EPHA1: variants seen among roughly 807,000 people sequenced by gnomAD.
EPHA1 encodes the protein ephrin type-A receptor 1.
Under a neutral mutation model 110.1 loss-of-function variants are expected in EPHA1, and 92 were observed. The ratio of observed to expected loss-of-function variants is 0.84; its 90% confidence interval spans 0.71 to 0.99. The LOEUF (loss-of-function observed/expected upper bound fraction) is 0.99. EPHA1 is among the 50% of genes least tolerant of loss of function. The probability of loss-of-function intolerance (pLI) is 0.00; values close to 1 mark genes in which losing one functional copy is unlikely to be tolerated. For missense variants in EPHA1, 1,204 were observed against 1,285.4 expected (o/e 0.94, Z 0.97); for synonymous variants, 500 against 516.1 (o/e 0.97, Z 0.42).
chr7:143,392,504 T>C (rs1197043543), intron 16 of EPHA1, among the ~76,000 whole-genome samples: 1 of 152,152 alleles, frequency 6.6e-6, no homozygotes, highest in Non-Finnish European at 1.5e-5. Flanking sequence ...GGCTACCCAA[T>C]AAAGCACTTG....
Position 143,398,604 on chromosome 7 carries a change from C to T in EPHA1, c.1333G>A (p.Ala445Thr), listed in dbSNP as rs1156638928. ...STSVSISMGH[A>T]ESLSGLSLRL... is the part of the protein sequence containing the mutation. Reference sequence around the variant, plus strand: ...CCAGCCCCTCTCAGCCTCTCACCTGCATGCCCCATGCTGATGCTGACTGAG... The same window carrying T: ...CCAGCCCCTCTCAGCCTCTCACCTGTATGCCCCATGCTGATGCTGACTGAG... Residue 445 changes from alanine to threonine, a missense_variant, in exon 6 of 18, where the codon GCA (alanine) becomes ACA (threonine). Ala to Thr is a moderately conservative substitution (Grantham distance 58, BLOSUM62 0). Coordinates refer to ENST00000275815, the MANE Select transcript of EPHA1 (RefSeq NM_005232.5). 1 of 1,612,942 alleles carries T rather than the reference C, an allele frequency of 6.2e-7. No individual in the cohort carries two copies. The highest frequency in any genetic ancestry group is 1.7e-5 in the Admixed American group (1 of 59,988).
Position 143,393,922 on chromosome 7 carries a change from G to GC in EPHA1, c.2503-59_2503-58insG. The GC allele has an allele frequency of 2.7e-6, 4 of 1,494,316 alleles. No individual in the cohort carries two copies. Among genetic ancestry groups the GC allele is most frequent in the Non-Finnish European group, 3.6e-6 (4 of 1,116,530 alleles). The allele number at this position is 1,494,316 out of a possible 1,614,324, so 92.6% of individuals were successfully genotyped here. ...AGCAAGCTAACCTGGAGGCCCATGA[G>GC]AAACCGACGGTCACACAAGATAATT... On this transcript the variant is annotated intron_variant, in intron 15 of 17. Coordinates refer to ENST00000275815, the MANE Select transcript of EPHA1 (RefSeq NM_005232.5). The surrounding 1 kb of genome is among the most constrained non-coding windows in gnomAD (Gnocchi z 5.6).
At chr7:143,407,536 T>C in intron 2 of EPHA1, 75 bp downstream of exon 2, 3 of 1,461,700 alleles carry the variant, frequency 2.1e-6, no homozygotes, top group South Asian at 2.3e-5. Context: ...TCTCTGTTCC[T>C]CCACCCACCT....
rs778371838 is a variant in EPHA1 at position 143,401,569 on chromosome 7, G to T, written c.187C>A (p.Leu63Met). 1.9e-6 allele frequency: 3 copies of T among 1,613,968 alleles called. No individual in the cohort carries two copies. In the African/African-American group the frequency reaches 4.0e-5, roughly 22 times the overall value. The part of the protein sequence containing the change: ...EQQQILNGTP[L>M]YMYQDCPMQG... The stretch of plus-strand genomic sequence containing the variant: ...ATTGGGCAGTCCTGGTACATGTACA[G>T]GGGTGTCCCATTCAGTATCTGTTGC... Residue 63 changes from leucine to methionine, a missense_variant, in exon 3 of 18, where the codon CTG (leucine) becomes ATG (methionine). Coordinates refer to ENST00000275815, the MANE Select transcript of EPHA1 (RefSeq NM_005232.5). The surrounding 1 kb of genome is among the most constrained non-coding windows in gnomAD (Gnocchi z 4.1).
In EPHA1 at chr7:143,398,677, T is replaced by C; in HGVS notation, c.1260A>G (p.Glu420=). 1 of 1,614,116 alleles carries C rather than the reference T, an allele frequency of 6.2e-7. No homozygotes were observed. The highest frequency in any genetic ancestry group is 8.5e-7 in the Non-Finnish European group (1 of 1,180,000). ...EPYANYTFNV[E]AQNGVSGLGS... ...CCAGCCCTGACACTCCATTTTGGGC[T>C]TCCACATTAAAGGTGTAGTTGGCAT... Residue 420 remains glutamate (E), a synonymous_variant, in exon 6 of 18, where the codon GAA becomes GAG. Coordinates refer to ENST00000275815, the MANE Select transcript of EPHA1 (RefSeq NM_005232.5).
At chr7:143,399,005 C>T in intron 5 of EPHA1, 60 bp from the exon 6 acceptor site, 1 of 1,446,352 alleles carries the variant, frequency 6.9e-7, no homozygotes, top group Non-Finnish European at 9.3e-7. Flanking sequence ...AGCTGCTGAT[C>T]CCCGGCCTCC....
In EPHA1 at chr7:143,399,936, C is replaced by T. The variant is rs1805372916; in HGVS notation, c.550G>A (p.Ala184Thr). Residue 184 changes from alanine to threonine, a missense_variant, in exon 4 of 18, where the codon GCT becomes ACT. Transcript: ENST00000275815. ...GRLTRRGLYLAFHNPGACVAL... is the reference protein window; with the variant it reads ...GRLTRRGLYLTFHNPGACVAL... ...ACACAGGCACCCGGGTTGTGGAAAG[C>T]GAGGTAGAGGCCACGGCGGGTCAGG... The T allele has an allele frequency of 8.7e-6, 14 of 1,613,666 alleles. No individual in the cohort carries two copies. The highest frequency in any genetic ancestry group is 1.3e-5 in the African/African-American group (1 of 74,946).
Position 143,395,549 on chromosome 7 carries a change from T to C in EPHA1, c.1898-45A>G. The C allele has an allele frequency of 6.3e-7, 1 of 1,593,960 alleles. No homozygotes were observed. The highest frequency in any genetic ancestry group is 8.6e-7 in the Non-Finnish European group (1 of 1,165,960). On this transcript the variant is annotated intron_variant, in intron 11 of 17. Transcript: ENST00000275815. The surrounding 1 kb of genome is among the most constrained non-coding windows in gnomAD (Gnocchi z 4.7). ...GCTGTGGCCCGATGCACTGCAGGGC[T>C]CCTCCAGGGGACAGGCAGCAACCCC...
intron 16 of EPHA1, 137 bp from the exon 17 acceptor site, chr7:143,391,912 ATTATCTCTGAGCCCACTTCC>A: frequency 6.8e-7 from 1 of 1,460,338 alleles, no homozygotes; most frequent in Non-Finnish European, 9.1e-7. Flanking sequence ...TGACCCCACC[ATTATCTCTGAGCCCACTTCC>A]TGGCCTGTTT....
In EPHA1 at chr7:143,393,675, G is replaced by A. The variant is rs1248591499; in HGVS notation, c.2692C>T (p.Pro898Ser). Residue 898 changes from proline to serine, a missense_variant, in exon 16 of 18, where the codon CCC becomes TCC. Transcript: ENST00000275815. The surrounding 1 kb of genome is among the most constrained non-coding windows in gnomAD (Gnocchi z 5.6). ...HSLRTIANFD[P>S]RMTLRLPSLS... The stretch of plus-strand genomic sequence containing the variant: ...GTCCTTCCCCTGCATGGTTACCTGG[G>A]GTCAAAGTTGGCAATGGTCCGCAGG... The A allele has an allele frequency of 2.5e-6, 4 of 1,613,246 alleles. No homozygotes were observed. The highest frequency in any genetic ancestry group is 3.4e-6 in the Non-Finnish European group (4 of 1,179,808).
Position 143,396,972 on chromosome 7 carries a change from G to A in EPHA1, c.1771+332C>T, listed in dbSNP as rs141308599. Among the ~76,000 whole-genome samples the A allele has an allele frequency of 3.7e-3, 569 of 152,270 alleles. 4 individuals carry two copies. Among genetic ancestry groups the A allele is most frequent in the Non-Finnish European group, 5.7e-3 (390 of 68,018 alleles). ...CTCGGAGGACGTCAATCCTCCTCCC[G>A]CCTGGCCTCGGCCCACAGCCCTGGC... On this transcript the variant is annotated intron_variant, in intron 10 of 17. Transcript: ENST00000275815.
In EPHA1 at chr7:143,401,575, T is replaced by A. The variant is rs1805422631; in HGVS notation, c.181A>T (p.Thr61Ser). 1.2e-6 allele frequency: 2 copies of A among 1,613,876 alleles called. No individual in the cohort carries two copies. The highest frequency in any genetic ancestry group is 1.3e-5 in the African/African-American group (1 of 75,038). ...WSEQQQILNG[T>S]PLYMYQDCPM... ...CAGTCCTGGTACATGTACAGGGGTG[T>A]CCCATTCAGTATCTGTTGCTGTTCA... The change falls in exon 3 of 18, where the codon ACA (threonine) becomes TCA (serine). Residue 61 changes from threonine to serine, a missense_variant. Transcript: ENST00000275815. This position sits in a 1 kb window ranked among gnomAD's most constrained non-coding sequence, Gnocchi z 4.1.
In EPHA1 at chr7:143,391,230, C is replaced by T. The variant is rs898029612; in HGVS notation, c.*227G>A. 46 of 579,628 alleles carry T rather than the reference C, an allele frequency of 7.9e-5. 3 individuals carry two copies. The East Asian group carries it at 1.3e-3, about 17-fold the overall frequency. The allele number at this position is 579,628 out of a possible 1,614,324, so 35.9% of individuals were successfully genotyped here. ...ATGTGTATGTATGTATATATATTAACCCCTCAGCTCCCTCCCATGATCATC... is the reference window on the plus strand; with the variant it reads ...ATGTGTATGTATGTATATATATTAATCCCTCAGCTCCCTCCCATGATCATC... On this transcript the variant is annotated 3_prime_UTR_variant, in exon 18 of 18. Transcript: ENST00000275815.
chr7:143,399,626 A>G (rs774354507), intron 4 of EPHA1, 25 bp downstream of exon 4: 2 of 1,611,392 alleles, frequency 1.2e-6, no homozygotes. Flanking sequence ...GTGGTTCCTC[A>G]GGTTCTCACC....
At chr7:143,405,436 C>CGT (rs71523910) in intron 2 of EPHA1, among the ~76,000 whole-genome samples, 41,755 of 149,396 alleles carry the variant, frequency 0.28, 6,604 homozygotes, top group Middle Eastern at 0.41. Context: ...TGCATGTGTG[C>CGT]GTGTGTGTGT....
rs750578123 is a variant in EPHA1, at chr7:143,397,539, G to T, written c.1712+22C>A. 4 of 1,613,170 alleles carry T rather than the reference G, an allele frequency of 2.5e-6. 1 individual carries two copies. In the South Asian group the frequency reaches 3.3e-5, roughly 13 times the overall value. ...GCTTCTGACCCAGGGCTGGTGGTTGGGGAGGGGGCAGGAGCTGGCACCTGG... is the reference window on the plus strand; with the variant it reads ...GCTTCTGACCCAGGGCTGGTGGTTGTGGAGGGGGCAGGAGCTGGCACCTGG... On this transcript the variant is annotated intron_variant, in intron 9 of 17. Transcript: ENST00000275815.
At chr7:143,403,560 T>C (rs1805475750) in intron 2 of EPHA1, among the ~76,000 whole-genome samples, 1 of 152,162 alleles carries the variant, frequency 6.6e-6, no homozygotes, top group Non-Finnish European at 1.5e-5. Flanking sequence ...TACAGATTGA[T>C]GTAAGATTTC....
chr7:143,403,895 A>G (rs994168536), intron 2 of EPHA1, among the ~76,000 whole-genome samples: 1 of 152,172 alleles, frequency 6.6e-6, no homozygotes, highest in African/African-American at 2.4e-5. Context: ...TTGATTACTC[A>G]GTTGGATGAG....
chr7:143,405,451 G>A lies in EPHA1; in HGVS notation c.150+2160C>T, dbSNP rs1328427417. ...TGCATGTGTGCGTGTGTGTGTGTGT[G>A]TGTGTGTGTGTTTTGAAAAGATGGG... On this transcript the variant is annotated intron_variant, in intron 2 of 17. Coordinates refer to ENST00000275815, the MANE Select transcript of EPHA1 (RefSeq NM_005232.5). Among the ~76,000 whole-genome samples, 48 of 151,996 alleles carry A rather than the reference G, an allele frequency of 3.2e-4. No individual in the cohort carries two copies. The East Asian group carries it at 8.5e-3, about 27-fold the overall frequency.
Sources: allele counts gnomAD v4.1 joint callset (sites outside exome capture counted in the v4.1 genomes callset), GRCh38; gene constraint gnomAD v4.1.1; non-coding constraint Gnocchi (gnomAD v3.1); transcripts MANE v1.5; gene names NCBI Gene and HGNC (gene_info 2026-07-23, HGNC 2026-07-21).